SLC25A48: variants seen among roughly 807,000 people sequenced by gnomAD.
The protein encoded by SLC25A48 is solute carrier family 25 member 48.
Under a neutral mutation model 32.2 loss-of-function variants are expected in SLC25A48, and 29 were observed. The ratio of observed to expected loss-of-function variants is 0.90; its 90% CI spans 0.67 to 1.23. The LOEUF (loss-of-function observed/expected upper bound fraction) is 1.23. Among genes scored for constraint, SLC25A48 ranks in the 50% most tolerant of loss-of-function variants. SLC25A48 has a pLI of 0.00. For synonymous variants in SLC25A48, 164 were observed against 172.3 expected (o/e 0.95, Z 0.38); for missense variants, 399 against 422.7 (o/e 0.94, Z 0.49).
At chr5:135,863,205 A>T (rs1252979723) in intron 4 of SLC25A48, among the ~76,000 whole-genome samples, 1 of 152,036 alleles carries the variant, frequency 6.6e-6, no homozygotes, top group Admixed American at 6.5e-5. Context: ...GACAAGTGGA[A>T]CCCCCCACAC....
chr5:135,869,816 G>A (rs905480501), intron 4 of SLC25A48, among the ~76,000 whole-genome samples: 9 of 152,062 alleles, frequency 5.9e-5, no homozygotes, highest in Admixed American at 2.0e-4. Flanking sequence ...CTACTACCCC[G>A]GCTCACCTCC....
chr5:135,787,114 T>G (rs1335578779), intron 3 of SLC25A48, among the ~76,000 whole-genome samples: 1 of 151,720 alleles, frequency 6.6e-6, no homozygotes, highest in Non-Finnish European at 1.5e-5. Flanking sequence ...TACTCCTAAT[T>G]TCACAGTAAG....
intron 3 of SLC25A48, among the ~76,000 whole-genome samples, chr5:135,775,827 A>G (rs1219134612): frequency 7.3e-5 from 11 of 151,712 alleles, no homozygotes; most frequent in Admixed American, 2.6e-4. Context: ...ATTACGCCCA[A>G]TATCGTGGGG....
At chr5:135,855,453 G>C (rs1242355883) in intron 4 of SLC25A48, among the ~76,000 whole-genome samples, 2 of 152,124 alleles carry the variant, frequency 1.3e-5, no homozygotes, top group African/African-American at 4.8e-5. Context: ...AATTCTGTGA[G>C]GCAGATGCTG....
At chr5:135,628,969 C>T (rs1174933190) in intron 1 of SLC25A48, among the ~76,000 whole-genome samples, 2 of 152,218 alleles carry the variant, frequency 1.3e-5, no homozygotes, top group Non-Finnish European at 2.9e-5. Flanking sequence ...GGATATATGT[C>T]CACAGCACTG....
rs1757413667 is a variant in SLC25A48, at chr5:135,804,397, A to AC, written c.-520-8121dup. On this transcript the variant is annotated intron_variant, in intron 3 of 10. Transcript: ENST00000646290. The stretch of plus-strand genomic sequence containing the variant: ...CACAGGGTTTCCACCCATAATGTAC[A>AC]CCCCCTGTGACATTAGGAGTAAGAT... 2.6e-5 allele frequency among the ~76,000 whole-genome samples: 4 copies of AC among 151,524 alleles called. No individual in the cohort carries two copies. The South Asian group carries it at 6.2e-4, about 24-fold the overall frequency.
Position 135,775,044 on chromosome 5 carries a change from C to T in SLC25A48, c.-520-37479C>T, listed in dbSNP as rs567412077. ...TACTGTCTGTATCCCAAAGGATGTA[C>T]ACACACCCTATGATACTGTTCCCAA... On this transcript the variant is annotated intron_variant, in intron 3 of 10. Coordinates refer to the SLC25A48 transcript ENST00000646290. Among the ~76,000 whole-genome samples the T allele has an allele frequency of 1.5e-4, 23 of 151,762 alleles. No homozygotes were observed. In the South Asian group the frequency reaches 4.8e-3, roughly 31 times the overall value.
intron 3 of SLC25A48, among the ~76,000 whole-genome samples, chr5:135,758,191 G>A (rs1755970185): frequency 6.6e-6 from 1 of 150,594 alleles, no homozygotes; most frequent in African/African-American, 2.4e-5. Context: ...AATATTTCCA[G>A]TGTTGTTAGC....
chr5:135,647,643 T>C (rs1413644741), intron 3 of SLC25A48, among the ~76,000 whole-genome samples: 1 of 152,156 alleles, frequency 6.6e-6, no homozygotes, highest in Non-Finnish European at 1.5e-5. Context: ...CCTCCTGGGC[T>C]CTGGGACACA....
chr5:135,627,472 G>T (rs1012969465), intron 1 of SLC25A48, among the ~76,000 whole-genome samples: 3 of 152,062 alleles, frequency 2.0e-5, no homozygotes, highest in Non-Finnish European at 4.4e-5. Flanking sequence ...AAGTGGTGGC[G>T]GATTCCTGCT....
At chr5:135,813,954 G>C (rs1172143111) in intron 4 of SLC25A48, among the ~76,000 whole-genome samples, 1 of 152,152 alleles carries the variant, frequency 6.6e-6, no homozygotes, top group Non-Finnish European at 1.5e-5. Flanking sequence ...CCCCGAGAAA[G>C]AAAAGCACAT....
chr5:135,702,614 A>G (rs1246353180), intron 3 of SLC25A48, among the ~76,000 whole-genome samples: 1 of 152,248 alleles, frequency 6.6e-6, no homozygotes, highest in African/African-American at 2.4e-5. Flanking sequence ...ATCTGTAGAA[A>G]AGCAATGGAC....
intron 3 of SLC25A48, among the ~76,000 whole-genome samples, chr5:135,767,110 GTA>G (rs1320899999): frequency 7.4e-6 from 1 of 134,640 alleles, no homozygotes; most frequent in African/African-American, 2.8e-5. Flanking sequence ...CGCTGGGGGT[GTA>G]CATTCCCTTG....
At chr5:135,715,315 A>G (rs975836670) in intron 3 of SLC25A48, among the ~76,000 whole-genome samples, 1 of 152,212 alleles carries the variant, frequency 6.6e-6, no homozygotes, top group Non-Finnish European at 1.5e-5. Flanking sequence ...GAGTCACTAT[A>G]GCAGGGGATG....
chr5:135,677,959 A>G (rs4416598), intron 3 of SLC25A48, among the ~76,000 whole-genome samples: 114,594 of 152,024 alleles, frequency 0.75, 43,677 homozygotes, highest in Middle Eastern at 0.86. Flanking sequence ...TCTCTTTGTC[A>G]TTGACTTTAG....
At position 135,871,717 on chromosome 5, in the gene SLC25A48, A is replaced by G; in HGVS notation, c.678A>G (p.Ala226=). 6.2e-7 allele frequency: 1 copy of G among 1,613,002 alleles called. No homozygotes were observed. Among genetic ancestry groups the G allele is most frequent in the Non-Finnish European group, 8.5e-7 (1 of 1,179,424 alleles). The change falls in exon 5 of 8, where the codon GCA becomes GCG. Residue 226 remains alanine, a splice_region_variant and synonymous_variant. Transcript: ENST00000681962. Reference sequence around the variant, plus strand: ...CCGTGTGGCTGGCGGGCGGCATGGCAGGTAAGGGCAGCAGCAGCTGGAGCC... The same window carrying G: ...CCGTGTGGCTGGCGGGCGGCATGGCGGGTAAGGGCAGCAGCAGCTGGAGCC... The part of the protein sequence containing the change: ...PCAVWLAGGM[A]GAISWGTATP...
intron 3 of SLC25A48, among the ~76,000 whole-genome samples, chr5:135,645,145 C>T (rs1023865813): frequency 7.2e-5 from 11 of 152,300 alleles, no homozygotes; most frequent in African/African-American, 1.2e-4. Context: ...GATATAATTC[C>T]GAGAGTAAGG....
In SLC25A48 at chr5:135,647,971, T is replaced by G. The variant is rs535908166; in HGVS notation, c.-521+13015T>G. Among the ~76,000 whole-genome samples, 5 of 152,184 alleles carry G rather than the reference T, an allele frequency of 3.3e-5. No homozygotes were observed. In the South Asian group the frequency reaches 1.0e-3, roughly 32 times the overall value. ...GAGGAAGGTGGTGGTCCTAGGGGCA[T>G]AGGGCCTCCTGGTGTCTTCTGGCTT... On this transcript the variant is annotated intron_variant, in intron 3 of 10. Transcript: ENST00000646290.
intron 3 of SLC25A48, among the ~76,000 whole-genome samples, chr5:135,682,753 A>G (rs1207456295): frequency 6.6e-6 from 1 of 152,230 alleles, no homozygotes; most frequent in Non-Finnish European, 1.5e-5. Context: ...CAGAATGGCC[A>G]GACAAATATT....
Sources: allele counts gnomAD v4.1 joint callset (sites outside exome capture counted in the v4.1 genomes callset), GRCh38; gene constraint gnomAD v4.1.1; transcripts MANE v1.5; gene names NCBI Gene and HGNC (gene_info 2026-07-23, HGNC 2026-07-21).